The following MYH10 variants were observed in gnomAD, a reference collection of about 807,000 sequenced individuals.
The protein encoded by MYH10 is myosin heavy chain 10, also known as myosin-10.
Under a neutral mutation model 257.8 loss-of-function variants are expected in MYH10, and 55 were observed. The ratio of observed to expected loss-of-function variants is 0.21; its 90% confidence interval spans 0.17 to 0.27. The LOEUF (loss-of-function observed/expected upper bound fraction) is 0.27. Ranked by LOEUF, MYH10 falls within the 10% of genes least tolerant of loss-of-function variation. MYH10 has a pLI of 1.00. For synonymous variants in MYH10, 854 were observed against 921.7 expected, an observed-to-expected ratio of 0.93 and a Z score of 1.33; for missense variants, 1,631 against 2,500.6, an observed-to-expected ratio of 0.65 and a Z score of 7.42.
rs571160361 is a variant in MYH10, at chr17:8,506,515, T to C, written c.3215-26A>G. 20 of 1,599,186 alleles carry C rather than the reference T, an allele frequency of 1.3e-5. No homozygotes were observed. Among genetic ancestry groups the C allele is most frequent in the African/African-American group, 5.4e-5 (4 of 73,744 alleles). ...CTTTAAGGTAAGACATAAGAAGCTC[T>C]TCAACACACCGAGTGACTCACCACA... is the stretch of plus-strand genomic sequence containing the variant. On this transcript the variant is annotated intron_variant, in intron 26 of 42. Coordinates refer to ENST00000360416, the MANE Select transcript of MYH10 (RefSeq NM_001256012.3). The surrounding 1 kb of genome is among the most constrained non-coding windows in gnomAD (Gnocchi z 5.0).
chr17:8,542,219 T>C lies in MYH10; in HGVS notation c.1493A>G (p.Asn498Ser), dbSNP rs1187252272. The C allele has an allele frequency of 1.9e-6, 3 of 1,614,044 alleles. No homozygotes were observed. Among genetic ancestry groups the C allele is most frequent in the African/African-American group, 1.3e-5 (1 of 74,908 alleles). ...YTNEKLQQLF[N>S]HTMFILEQEE... is the part of the protein sequence containing the mutation. ...TTGTTCTAGGATAAACATGGTGTGG[T>C]TGAACAGCTGCTGCAGCTTCTCATT... Residue 498 changes from asparagine (N) to serine (S), a missense_variant, in exon 14 of 43, where the codon AAC (asparagine) becomes AGC (serine). Asn to Ser is a conservative substitution (Grantham distance 46, BLOSUM62 1). Transcript: ENST00000360416.
intron 7 of MYH10, among the ~76,000 whole-genome samples, chr17:8,557,230 T>G (rs1051873901): frequency 3.9e-5 from 6 of 152,188 alleles, no homozygotes; most frequent in Admixed American, 3.9e-4. Flanking sequence ...GAGGAATCAC[T>G]TTCTAAAATG....
intron 2 of MYH10, among the ~76,000 whole-genome samples, chr17:8,612,854 C>CA (rs540861293): frequency 0.013 from 1,462 of 113,134 alleles, 19 homozygotes; most frequent in African/African-American, 0.029. Flanking sequence ...TGTTCTGTCT[C>CA]AAAAAAAAAA....
intron 4 of MYH10, among the ~76,000 whole-genome samples, chr17:8,580,743 T>C (rs1036701947): frequency 6.6e-6 from 1 of 152,212 alleles, no homozygotes; most frequent in Non-Finnish European, 1.5e-5. Context: ...AACAAACATT[T>C]GCAAATCAAC....
At chr17:8,508,746 T>TA in intron 25 of MYH10, 69 bp from the exon 26 acceptor site, 1 of 1,585,596 alleles carries the variant, frequency 6.3e-7, no homozygotes, top group Non-Finnish European at 8.6e-7. Flanking sequence ...GTATTCCTCA[T>TA]AAAGGTCAAC....
intron 2 of MYH10, among the ~76,000 whole-genome samples, chr17:8,610,271 C>CAATAAAAAAAAAAAA (rs2084977666): frequency 2.2e-5 from 1 of 45,972 alleles, no homozygotes; most frequent in Admixed American, 3.6e-4. Context: ...CATAGGATTG[C>CAATAAAAAAAAAAAA]AAAAAAAAAA....
At chr17:8,567,882 G>A (rs2083212424) in intron 7 of MYH10, among the ~76,000 whole-genome samples, 1 of 152,206 alleles carries the variant, frequency 6.6e-6, no homozygotes, top group Non-Finnish European at 1.5e-5. Flanking sequence ...AAGGAGAAGT[G>A]TGTGAACAAC....
chr17:8,484,537 A>G (rs1192389737), intron 36 of MYH10, among the ~76,000 whole-genome samples: 1 of 152,218 alleles, frequency 6.6e-6, no homozygotes, highest in Non-Finnish European at 1.5e-5. Flanking sequence ...TAAGAAAACT[A>G]CAGATCAAAA....
chr17:8,484,050 G>T, intron 37 of MYH10, 88 bp downstream of exon 37: 1 of 1,268,074 alleles, frequency 7.9e-7, no homozygotes, highest in South Asian at 1.5e-5. Flanking sequence ...ATTACAGTGG[G>T]CTACAAATAT....
chr17:8,608,274 G>A (rs977844339), intron 2 of MYH10, among the ~76,000 whole-genome samples: 2 of 152,194 alleles, frequency 1.3e-5, no homozygotes, highest in Admixed American at 6.5e-5. Context: ...AGGGGCAAAA[G>A]GTGAGAAGCA....
At chr17:8,517,120 G>A (rs998293597) in intron 21 of MYH10, among the ~76,000 whole-genome samples, 4 of 152,072 alleles carry the variant, frequency 2.6e-5, no homozygotes, top group Non-Finnish European at 5.9e-5. Context: ...CAGCCTCAGC[G>A]ACAGAGCGAG....
At chr17:8,560,191 T>C (rs2082939269) in intron 7 of MYH10, among the ~76,000 whole-genome samples, 1 of 152,238 alleles carries the variant, frequency 6.6e-6, no homozygotes, top group South Asian at 2.1e-4. Context: ...CCGAATACTA[T>C]TTCCTTTTTT....
At chr17:8,550,775 T>C (rs1257379864) in intron 9 of MYH10, among the ~76,000 whole-genome samples, 3 of 151,876 alleles carry the variant, frequency 2.0e-5, no homozygotes, top group Non-Finnish European at 4.4e-5. Flanking sequence ...CATGGGAGAC[T>C]TTTCATTTTG....
intron 2 of MYH10, among the ~76,000 whole-genome samples, chr17:8,605,921 G>A (rs1356228574): frequency 6.6e-6 from 1 of 152,078 alleles, no homozygotes; most frequent in Non-Finnish European, 1.5e-5. Flanking sequence ...AAAGAGATTT[G>A]TAAAAATGTA....
At chr17:8,608,490 T>C (rs796598781) in intron 2 of MYH10, among the ~76,000 whole-genome samples, 44 of 152,298 alleles carry the variant, frequency 2.9e-4, no homozygotes, top group African/African-American at 1.0e-3. Context: ...ACAACTGATT[T>C]GTGGGAAAAG....
Position 8,604,888 on chromosome 17 carries a change from C to T in MYH10, c.440G>A (p.Arg147His), listed in dbSNP as rs747029840. 6.2e-6 allele frequency: 10 copies of T among 1,606,680 alleles called. No individual in the cohort carries two copies. Among genetic ancestry groups the T allele is most frequent in the African/African-American group, 5.4e-5 (4 of 74,660 alleles). The stretch of plus-strand genomic sequence containing the variant: ...ATAGATGTGTGGAGGCATCTCATGA[C>T]GCTTCTTCCCTCTGTACATTTCAAT... ...NIIEMYRGKK[R>H]HEMPPHIYAI... Residue 147 changes from arginine to histidine, a missense_variant, in exon 3 of 43, where the codon CGT (arginine) becomes CAT (histidine). Coordinates refer to ENST00000360416, the MANE Select transcript of MYH10 (RefSeq NM_001256012.3).
chr17:8,569,666 AACATTTAACTAGAAATCT>A lies in MYH10; in HGVS notation c.756+36_756+53del. On this transcript the variant is annotated intron_variant, in intron 7 of 42. Coordinates refer to ENST00000360416, the MANE Select transcript of MYH10 (RefSeq NM_001256012.3). This position sits in a 1 kb window ranked among gnomAD's most constrained non-coding sequence, Gnocchi z 4.1. ...GTAATTCATTTGCTTAATCACAGTA[AACATTTAACTAGAAATCT>A]AAGGAATTAAAAGCTTCTGGTGCTT... 7.8e-7 allele frequency: 1 copy of A among 1,280,038 alleles called. No individual in the cohort carries two copies. Among genetic ancestry groups the A allele is most frequent in the Admixed American group, 2.1e-5 (1 of 47,672 alleles). The allele number at this position is 1,280,038 out of a possible 1,614,324, so 79.3% of individuals were successfully genotyped here. A position where few individuals can be genotyped will look rare whatever the true frequency, so the allele number is the denominator to read the frequency against.
rs542061907 is a variant in MYH10, at chr17:8,564,370, C to G, written c.756+5350G>C. Reference sequence around the variant, plus strand: ...GCATGAAATTTCACTGTATACACAACTCATTTTTTAACATCGTACTACTCT... The same window carrying G: ...GCATGAAATTTCACTGTATACACAAGTCATTTTTTAACATCGTACTACTCT... On this transcript the variant is annotated intron_variant, in intron 7 of 42. Transcript: ENST00000360416. 3.9e-5 allele frequency among the ~76,000 whole-genome samples: 6 copies of G among 152,282 alleles called. No individual in the cohort carries two copies. In the East Asian group the frequency reaches 1.2e-3, roughly 29 times the overall value.
At chr17:8,524,125 C>G (rs971486312) in intron 17 of MYH10, among the ~76,000 whole-genome samples, 5 of 151,864 alleles carry the variant, frequency 3.3e-5, no homozygotes, top group Admixed American at 3.3e-4. Flanking sequence ...CCCCAAGGAG[C>G]TCAGCAGAGG....
Sources: allele counts gnomAD v4.1 joint callset (sites outside exome capture counted in the v4.1 genomes callset), GRCh38; gene constraint gnomAD v4.1.1; non-coding constraint Gnocchi (gnomAD v3.1); transcripts MANE v1.5; gene names NCBI Gene and HGNC (gene_info 2026-07-23, HGNC 2026-07-21).